Variants in TAFA5 observed in about 807,000 individuals in gnomAD.
TAFA5 encodes the protein chemokine-like protein TAFA-5.
Under a neutral mutation model 15.3 loss-of-function variants are expected in TAFA5, and 6 were observed. The observed-to-expected ratio is 0.39, with a 90% CI of 0.21 to 0.77. The LOEUF (loss-of-function observed/expected upper bound fraction) is 0.77, where lower values mean the gene tolerates loss of function less well. TAFA5 is among the 30% of genes least tolerant of loss of function. The pLI, the probability that TAFA5 is intolerant of heterozygous loss-of-function variation, is 0.41. For missense variants in TAFA5, 161 were observed against 193.1 expected (o/e 0.83, Z 0.98); for synonymous variants, 103 against 80.7 (o/e 1.28, Z -1.48).
chr22:48,582,201 C>T (rs571889961), intron 1 of TAFA5, among the ~76,000 whole-genome samples: 1 of 152,144 alleles, frequency 6.6e-6, no homozygotes, highest in South Asian at 2.1e-4. Flanking sequence ...ACACCACACA[C>T]TACACGATGC....
chr22:48,683,644 G>C (rs902052448), intron 2 of TAFA5, among the ~76,000 whole-genome samples: 6 of 152,256 alleles, frequency 3.9e-5, no homozygotes, highest in African/African-American at 1.4e-4. Context: ...CCTTCATTCA[G>C]TTCAACGCTT....
intron 2 of TAFA5, among the ~76,000 whole-genome samples, chr22:48,681,803 C>T (rs1928199573): frequency 6.6e-6 from 1 of 150,542 alleles, no homozygotes; most frequent in Admixed American, 6.6e-5. Context: ...ACTCCGGATC[C>T]TGGGGTGTTG....
chr22:48,620,860 A>T (rs1458421458), intron 1 of TAFA5, among the ~76,000 whole-genome samples: 1 of 1,932 alleles, frequency 5.2e-4, no homozygotes, highest in Non-Finnish European at 1.1e-3. Flanking sequence ...CACCCACCCA[A>T]CCACCCATCC....
chr22:48,516,686 G>A (rs1005284054), intron 1 of TAFA5, among the ~76,000 whole-genome samples: 1 of 152,208 alleles, frequency 6.6e-6, no homozygotes, highest in Non-Finnish European at 1.5e-5. Flanking sequence ...CTCAGGACAG[G>A]GGTGGCCCTT....
At chr22:48,665,420 A>G (rs544820575) in intron 2 of TAFA5, among the ~76,000 whole-genome samples, 4 of 152,238 alleles carry the variant, frequency 2.6e-5, no homozygotes, top group Admixed American at 6.5e-5. Flanking sequence ...TTTCCCTTCC[A>G]GGTCGTGTGT....
chr22:48,645,875 G>T (rs149208093), intron 1 of TAFA5, among the ~76,000 whole-genome samples: 323 of 152,232 alleles, frequency 2.1e-3, no homozygotes, highest in African/African-American at 7.4e-3. Context: ...CGTGCCTGTG[G>T]CTCACTCCAG....
At chr22:48,652,503 T>C (rs76880538) in intron 2 of TAFA5, among the ~76,000 whole-genome samples, 2,256 of 152,330 alleles carry the variant, frequency 0.015, 29 homozygotes, top group Middle Eastern at 0.031. Flanking sequence ...TGGCTGTTCA[T>C]GGGCAGCCCT....
At chr22:48,715,066 C>G (rs1359644508) in intron 3 of TAFA5, among the ~76,000 whole-genome samples, 1 of 152,232 alleles carries the variant, frequency 6.6e-6, no homozygotes, top group Non-Finnish European at 1.5e-5. Context: ...TTTCACTAAT[C>G]ATGCCTGGAA....
intron 2 of TAFA5, 131 bp from the exon 3 acceptor site, chr22:48,707,586 T>A: frequency 4.6e-6 from 5 of 1,081,134 alleles, no homozygotes; most frequent in Middle Eastern, 2.3e-4. Flanking sequence ...TGTGTGAGGG[T>A]CCCTGGGTGG....
chr22:48,574,854 T>A lies in TAFA5; in HGVS notation c.113-71743T>A, dbSNP rs151062969. ...GCGGGGTTGGGGAGCAAAAGTGGCC[T>A]AAAACAAAGACCCTTTCTTCCTAGA... On this transcript the variant is annotated intron_variant, in intron 1 of 3. Coordinates refer to ENST00000402357, the MANE Select transcript of TAFA5 (RefSeq NM_001082967.3). Among the ~76,000 whole-genome samples the A allele has an allele frequency of 5.3e-4, 80 of 152,272 alleles. 1 individual carries two copies. Among genetic ancestry groups the A allele is most frequent in the African/African-American group, 1.7e-3 (72 of 41,570 alleles).
intron 1 of TAFA5, among the ~76,000 whole-genome samples, chr22:48,585,635 T>TCA (rs765862246): frequency 1.4e-5 from 2 of 145,576 alleles, no homozygotes; most frequent in Admixed American, 6.9e-5. Flanking sequence ...ACACTAGACA[T>TCA]CACACACACA....
intron 1 of TAFA5, among the ~76,000 whole-genome samples, chr22:48,616,839 T>C (rs561273388): frequency 1.3e-3 from 202 of 152,180 alleles, no homozygotes; most frequent in Non-Finnish European, 2.1e-3. Context: ...TGCAGGTCCG[T>C]GGGGACCCCT....
chr22:48,541,885 C>T (rs111677207), intron 1 of TAFA5, among the ~76,000 whole-genome samples: 14,623 of 152,222 alleles, frequency 0.096, 819 homozygotes, highest in African/African-American at 0.14. Context: ...TGGGCTCCCC[C>T]GGGGCATGTT....
At chr22:48,558,070 C>G (rs1923100639) in intron 1 of TAFA5, among the ~76,000 whole-genome samples, 1 of 152,172 alleles carries the variant, frequency 6.6e-6, no homozygotes, top group Non-Finnish European at 1.5e-5. Flanking sequence ...CTGCACCTCA[C>G]CAAGATCAGC....
rs1187661522 is a variant in TAFA5, at chr22:48,742,908, G to T, written c.391-6931G>T. Among the ~76,000 whole-genome samples the T allele has an allele frequency of 4.6e-5, 7 of 152,126 alleles. No homozygotes were observed. Among genetic ancestry groups the T allele is most frequent in the Non-Finnish European group, 7.4e-5 (5 of 68,008 alleles). On this transcript the variant is annotated intron_variant, in intron 3 of 3. Coordinates refer to ENST00000402357, the MANE Select transcript of TAFA5 (RefSeq NM_001082967.3). This position sits in a 1 kb window ranked among gnomAD's most constrained non-coding sequence, Gnocchi z 6.2. ...TGCCTCCATGCAGCCCACACGCGGG[G>T]CCCCCACAGTGCGGACATGTTGGGG...
At chr22:48,646,792 G>A (rs764622995) in intron 2 of TAFA5, 46 bp downstream of exon 2, 110 of 1,522,408 alleles carry the variant, frequency 7.2e-5, no homozygotes, top group South Asian at 2.8e-4. Flanking sequence ...TGAGCGCGGC[G>A]TCACCAAAGG....
In TAFA5 at chr22:48,749,979, C is replaced by G. The variant is rs530960102; in HGVS notation, c.*132C>G. ...CCGCCCACTCCGTTTCCCTGTGGTC[C>G]GTGAAGGACGGCCTCAGGCCTTGGC... On this transcript the variant is annotated 3_prime_UTR_variant, in exon 4 of 4. Coordinates refer to ENST00000402357, the MANE Select transcript of TAFA5 (RefSeq NM_001082967.3). The G allele has an allele frequency of 1.0e-5, 9 of 900,358 alleles. No individual in the cohort carries two copies. In the Admixed American group the frequency reaches 1.3e-4, roughly 13 times the overall value. 55.8% of individuals were successfully genotyped at this position (900,358 alleles called of 1,614,324 possible). A position where few individuals can be genotyped will look rare whatever the true frequency, so the allele number is the denominator to read the frequency against.
chr22:48,549,504 A>G (rs541623650), intron 1 of TAFA5, among the ~76,000 whole-genome samples: 26 of 152,234 alleles, frequency 1.7e-4, no homozygotes, highest in Non-Finnish European at 3.4e-4. Flanking sequence ...AATCTTATTC[A>G]TGGTATTCAT....
At chr22:48,585,355 A>G (rs1195497139) in intron 1 of TAFA5, among the ~76,000 whole-genome samples, 1 of 149,194 alleles carries the variant, frequency 6.7e-6, no homozygotes, top group Non-Finnish European at 1.5e-5. Context: ...TACACCACAT[A>G]CACATACAAA....
Sources: allele counts gnomAD v4.1 joint callset (sites outside exome capture counted in the v4.1 genomes callset), GRCh38; gene constraint gnomAD v4.1.1; non-coding constraint Gnocchi (gnomAD v3.1); transcripts MANE v1.5; gene names NCBI Gene and HGNC (gene_info 2026-07-23, HGNC 2026-07-21).